DPP6: variants seen among roughly 807,000 people sequenced by gnomAD.
DPP6 encodes dipeptidyl peptidase like 6, also known as A-type potassium channel modulatory protein DPP6.
Under a neutral mutation model 122.6 loss-of-function variants are expected in DPP6, and 69 were observed. That is an observed-to-expected ratio of 0.56 (90% CI 0.46 to 0.69). The LOEUF is 0.69. Ranked by LOEUF, DPP6 falls within the 30% of genes least tolerant of loss-of-function variation. The pLI, the probability that DPP6 is intolerant of heterozygous loss-of-function variation, is 0.00. For missense variants in DPP6, 928 were observed against 1,116.9 expected (o/e 0.83, Z 2.41); for synonymous variants, 418 against 433.1 (o/e 0.97, Z 0.43).
chr7:154,252,602 G>T (rs75944709), intron 1 of DPP6, among the ~76,000 whole-genome samples: 5,929 of 152,252 alleles, frequency 0.039, 189 homozygotes, highest in East Asian at 0.13. Flanking sequence ...GTTAATTCCT[G>T]ATCAGTTGTG....
At chr7:154,164,697 G>A (rs1469775223) in intron 1 of DPP6, among the ~76,000 whole-genome samples, 6 of 152,042 alleles carry the variant, frequency 3.9e-5, no homozygotes, top group East Asian at 3.9e-4. Flanking sequence ...TACTCTGGCC[G>A]TGTCATATAA....
At position 154,486,941 on chromosome 7, in the gene DPP6, C is replaced by T. The variant is rs1478350894; in HGVS notation, c.457+11904C>T. On this transcript the variant is annotated intron_variant, in intron 3 of 25. Coordinates refer to ENST00000377770, the MANE Select transcript of DPP6 (RefSeq NM_130797.4). This position sits in a 1 kb window ranked among gnomAD's most constrained non-coding sequence, Gnocchi z 4.5. ...TTGGGGACTCAAGTCTCTGCAGGCTCCACTGGGCCAACTTGCTTCCTGCAG... is the reference window on the plus strand; with the variant it reads ...TTGGGGACTCAAGTCTCTGCAGGCTTCACTGGGCCAACTTGCTTCCTGCAG... Among the ~76,000 whole-genome samples, 4 of 152,142 alleles carry T rather than the reference C, an allele frequency of 2.6e-5. No individual in the cohort carries two copies. The highest frequency in any genetic ancestry group is 9.7e-5 in the African/African-American group (4 of 41,432).
At chr7:154,073,364 C>T (rs1394415240) in intron 1 of DPP6, among the ~76,000 whole-genome samples, 6 of 152,234 alleles carry the variant, frequency 3.9e-5, no homozygotes. Context: ...TCTGTGCTCT[C>T]TACCAAGGAT....
At chr7:154,401,220 A>AAC (rs377081664) in intron 1 of DPP6, among the ~76,000 whole-genome samples, 87 of 152,014 alleles carry the variant, frequency 5.7e-4, no homozygotes, top group African/African-American at 1.6e-3. Context: ...ACAAAAACAA[A>AAC]AAAAAAACAG....
chr7:154,569,794 C>G (rs1220704918), intron 5 of DPP6, among the ~76,000 whole-genome samples: 1 of 151,660 alleles, frequency 6.6e-6, no homozygotes, highest in Admixed American at 6.6e-5. Flanking sequence ...TCTTCAATCT[C>G]TGCTTCTCTT....
the DPP6 span, among the ~76,000 whole-genome samples, chr7:153,807,496 C>T: frequency 5.9e-5 from 9 of 151,638 alleles, no homozygotes; most frequent in African/African-American, 1.5e-4. Flanking sequence ...TTTCACAGGA[C>T]ATGCAGTAAA....
chr7:153,828,521 A>G, the DPP6 span, among the ~76,000 whole-genome samples: 1 of 152,208 alleles, frequency 6.6e-6, no homozygotes, highest in African/African-American at 2.4e-5. Flanking sequence ...TGTGTCAGAG[A>G]TGGCATAATA....
At chr7:153,822,802 G>T in the DPP6 span, among the ~76,000 whole-genome samples, 1 of 152,106 alleles carries the variant, frequency 6.6e-6, no homozygotes, top group Non-Finnish European at 1.5e-5. Flanking sequence ...AATATTTCCA[G>T]GTAATAAAAT....
rs183375729 is a variant in DPP6, at chr7:154,648,046, T to C, written c.680+10173T>C. ...CGGGCAGATCACCTGAGGTCAGGAG[T>C]TCGAGACCAGCCTGACCAACATGGT... On this transcript the variant is annotated intron_variant, in intron 6 of 25. Transcript: ENST00000377770. Among the ~76,000 whole-genome samples, 25 of 150,792 alleles carry C rather than the reference T, an allele frequency of 1.7e-4. No homozygotes were observed. In the East Asian group the frequency reaches 4.7e-3, roughly 29 times the overall value.
At chr7:154,805,576 C>G (rs1408124279) in intron 15 of DPP6, among the ~76,000 whole-genome samples, 1 of 152,220 alleles carries the variant, frequency 6.6e-6, no homozygotes, top group Admixed American at 6.5e-5. Flanking sequence ...TGATGAGGCC[C>G]TAAAGGCAAT....
intron 1 of DPP6, among the ~76,000 whole-genome samples, chr7:154,090,845 T>G (rs908838079): frequency 8.0e-5 from 12 of 149,804 alleles, no homozygotes; most frequent in Non-Finnish European, 1.5e-4. Flanking sequence ...TCTGGGCCGT[T>G]TGCGGTGGCT....
chr7:154,535,022 T>A (rs1210846006), intron 3 of DPP6, among the ~76,000 whole-genome samples: 1 of 152,046 alleles, frequency 6.6e-6, no homozygotes. Context: ...TAGACACAGA[T>A]CAATGGAATG....
At chr7:154,597,488 CT>C (rs1177755704) in intron 5 of DPP6, among the ~76,000 whole-genome samples, 1 of 151,916 alleles carries the variant, frequency 6.6e-6, no homozygotes, top group Non-Finnish European at 1.5e-5. Context: ...TGGCAGGCAC[CT>C]GTAGTCCCAG....
At chr7:153,959,741 T>A (rs1795251132) in intron 1 of DPP6, among the ~76,000 whole-genome samples, 2 of 152,376 alleles carry the variant, frequency 1.3e-5, no homozygotes, top group Middle Eastern at 3.4e-3. Flanking sequence ...TCAAAGTTTC[T>A]TCATGTCAGC....
chr7:154,477,689 C>T (rs184795632), intron 3 of DPP6, among the ~76,000 whole-genome samples: 58 of 152,264 alleles, frequency 3.8e-4, no homozygotes, highest in African/African-American at 1.2e-3. Flanking sequence ...GGAGACCAGC[C>T]GGATTTTCTT....
At chr7:154,725,693 C>T (rs1343987248) in intron 7 of DPP6, among the ~76,000 whole-genome samples, 1 of 152,172 alleles carries the variant, frequency 6.6e-6, no homozygotes. Context: ...TCATGTCCTG[C>T]TCCCATTTCA....
At chr7:154,278,335 T>G (rs1804271458) in intron 1 of DPP6, among the ~76,000 whole-genome samples, 2 of 152,328 alleles carry the variant, frequency 1.3e-5, no homozygotes, top group Non-Finnish European at 2.9e-5. Context: ...CTAAATGACT[T>G]TCATTTGCTG....
intron 3 of DPP6, among the ~76,000 whole-genome samples, chr7:154,512,056 G>A (rs1464640097): frequency 6.6e-6 from 1 of 152,116 alleles, no homozygotes; most frequent in African/African-American, 2.4e-5. Context: ...TTAAATAAAA[G>A]TCATTGAGGT....
intron 6 of DPP6, among the ~76,000 whole-genome samples, chr7:154,668,617 ATC>A (rs1838351391): frequency 6.6e-6 from 1 of 152,144 alleles, no homozygotes; most frequent in Non-Finnish European, 1.5e-5. Context: ...GAGGGGTGTC[ATC>A]CAAAAGAAAC....
Sources: gnomAD v4.1 joint callset for allele counts (sites outside exome capture counted in the v4.1 genomes callset) on GRCh38, gnomAD v4.1.1 for gene constraint, Gnocchi (gnomAD v3.1) non-coding constraint, MANE v1.5 for transcripts, NCBI Gene and HGNC (gene_info 2026-07-23, HGNC 2026-07-21) for gene names.